TLK2: variants seen among roughly 807,000 people sequenced by gnomAD.
TLK2 encodes tousled like kinase 2, also known as serine/threonine-protein kinase tousled-like 2.
In TLK2, 6 loss-of-function variants were observed where a neutral mutation model predicts 117.3. The ratio of observed to expected loss-of-function variants is 0.05; its 90% CI spans 0.03 to 0.10. The LOEUF is 0.10. Ranked by LOEUF, TLK2 falls within the 10% of genes least tolerant of loss-of-function variation. The probability of loss-of-function intolerance (pLI) is 1.00; values close to 1 mark genes in which losing one functional copy is unlikely to be tolerated. For synonymous variants in TLK2, 257 were observed against 316.7 expected (o/e 0.81, Z 2.00); for missense variants, 299 against 901.2 (o/e 0.33, Z 8.56).
At chr17:62,604,822 G>A (rs1238712061) in intron 19 of TLK2, among the ~76,000 whole-genome samples, 5 of 150,772 alleles carry the variant, frequency 3.3e-5, no homozygotes, top group African/African-American at 1.2e-4. Flanking sequence ...GTGAGCTGAG[G>A]TCACACTACT....
In TLK2 at chr17:62,481,363, A is replaced by G. The variant is rs542170400; in HGVS notation, c.81+157A>G. On this transcript the variant is annotated intron_variant, in intron 2 of 21. Transcript: ENST00000346027. ...ACTTTTAGATCCTACTGGTCATTCC[A>G]GTAGTCATTTAACATAGTAGGTTTG... Among the ~76,000 whole-genome samples the G allele has an allele frequency of 1.2e-3, 176 of 152,350 alleles. 1 individual carries two copies. Among genetic ancestry groups the G allele is most frequent in the Non-Finnish European group, 2.9e-4 (20 of 68,034 alleles).
At position 62,505,407 on chromosome 17, in the gene TLK2, ATTTTTTT is replaced by A. The variant is rs544900638; in HGVS notation, c.82-15346_82-15340del. Reference sequence around the variant, plus strand: ...TACAGTCATGCACTACCATACCCAGATTTTTTTTTTTTTTTTTTTTTTTTTTGGTAGA... The same window carrying A: ...TACAGTCATGCACTACCATACCCAGATTTTTTTTTTTTTTTTTTTGGTAGA... On this transcript the variant is annotated intron_variant, in intron 2 of 21. Coordinates refer to ENST00000346027, the MANE Select transcript of TLK2 (RefSeq NM_006852.6). Among the ~76,000 whole-genome samples, 66 of 53,770 alleles carry A rather than the reference ATTTTTTT, an allele frequency of 1.2e-3. 1 individual carries two copies. In the South Asian group the frequency reaches 0.03, roughly 24 times the overall value. 35.3% of individuals were successfully genotyped at this position (53,770 alleles called of 152,430 possible).
intron 16 of TLK2, among the ~76,000 whole-genome samples, chr17:62,590,369 G>A (rs966849344): frequency 2.6e-5 from 4 of 152,090 alleles, no homozygotes; most frequent in Admixed American, 2.6e-4. Context: ...AACCCAGGAG[G>A]CAGAGGTTGT....
intron 7 of TLK2, among the ~76,000 whole-genome samples, chr17:62,543,286 G>C (rs1458042500): frequency 3.3e-5 from 5 of 152,034 alleles, no homozygotes; most frequent in Non-Finnish European, 5.9e-5. Flanking sequence ...TCCACTTCTT[G>C]GCTATTATGA....
At chr17:62,559,881 T>A in intron 9 of TLK2, 135 bp from the exon 10 acceptor site, 1 of 526,694 alleles carries the variant, frequency 1.9e-6, no homozygotes, top group South Asian at 2.9e-5. Flanking sequence ...ACATAGTTAC[T>A]TCTTACCTGT....
intron 2 of TLK2, among the ~76,000 whole-genome samples, chr17:62,497,385 G>A (rs2073804185): frequency 6.6e-6 from 1 of 152,180 alleles, no homozygotes; most frequent in Non-Finnish European, 1.5e-5. Flanking sequence ...TTCTCTTACA[G>A]AAAGTATTTG....
intron 2 of TLK2, among the ~76,000 whole-genome samples, chr17:62,489,768 T>G (rs2144655687): frequency 6.6e-6 from 1 of 152,342 alleles, no homozygotes; most frequent in Non-Finnish European, 1.5e-5. Flanking sequence ...TTTGTTACAA[T>G]TGATGATACG....
intron 2 of TLK2, among the ~76,000 whole-genome samples, chr17:62,493,870 G>C (rs1002707402): frequency 6.6e-6 from 1 of 151,950 alleles, no homozygotes; most frequent in Non-Finnish European, 1.5e-5. Context: ...TGATTCTTCT[G>C]CTTCAGCCTT....
chr17:62,599,200 G>A (rs1462296767), intron 17 of TLK2, among the ~76,000 whole-genome samples: 1 of 152,202 alleles, frequency 6.6e-6, no homozygotes, highest in Non-Finnish European at 1.5e-5. Context: ...ACCCATCTCT[G>A]CCTCCCAAAT....
In TLK2 at chr17:62,566,250, TG is replaced by T. The variant is rs567444560; in HGVS notation, c.968+1114del. On this transcript the variant is annotated intron_variant, in intron 11 of 21. Transcript: ENST00000346027. The stretch of plus-strand genomic sequence containing the variant: ...GTCTATAGACTGCCTTTCTTTCCTG[TG>T]TTTTTTTGCTGAAATAGCTTGTTGA... 2.4e-4 allele frequency among the ~76,000 whole-genome samples: 36 copies of T among 152,266 alleles called. No homozygotes were observed. The East Asian group carries it at 5.2e-3, about 22-fold the overall frequency.
chr17:62,508,579 T>C, intron 2 of TLK2: 1 of 981,636 alleles, frequency 1.0e-6, no homozygotes. Context: ...AAAAAGAAAA[T>C]ACTGGAAGTG....
At chr17:62,534,532 G>T (rs1160014815) in intron 6 of TLK2, among the ~76,000 whole-genome samples, 1 of 152,138 alleles carries the variant, frequency 6.6e-6, no homozygotes, top group Admixed American at 6.5e-5. Flanking sequence ...ATTAAAATCA[G>T]TTGGGGAAGC....
intron 1 of TLK2, among the ~76,000 whole-genome samples, chr17:62,480,587 G>A (rs1343609045): frequency 6.6e-6 from 1 of 152,156 alleles, no homozygotes; most frequent in Non-Finnish European, 1.5e-5. Flanking sequence ...TTTCTCATGA[G>A]CTACTGTGAG....
At chr17:62,516,356 C>G in intron 2 of TLK2, 1 of 1,527,854 alleles carries the variant, frequency 6.5e-7, no homozygotes, top group African/African-American at 1.4e-5. Context: ...CAACCAAATC[C>G]GCCTCTAAAC....
At chr17:62,490,586 G>C (rs1458378976) in intron 2 of TLK2, among the ~76,000 whole-genome samples, 1 of 152,094 alleles carries the variant, frequency 6.6e-6, no homozygotes, top group African/African-American at 2.4e-5. Context: ...TCTGTTGCCA[G>C]GCTGGAGTGC....
intron 7 of TLK2, among the ~76,000 whole-genome samples, chr17:62,547,308 G>T (rs1274894789): frequency 2.0e-5 from 3 of 150,782 alleles, no homozygotes; most frequent in Non-Finnish European, 4.4e-5. Context: ...GTGGAATGAG[G>T]GATTAGAGTG....
intron 2 of TLK2, among the ~76,000 whole-genome samples, chr17:62,481,917 T>C (rs985588258): frequency 3.3e-5 from 5 of 152,166 alleles, no homozygotes; most frequent in Non-Finnish European, 7.3e-5. Flanking sequence ...TCATATTACT[T>C]GGGCTTGAGA....
At chr17:62,528,241 T>C (rs990790586) in intron 6 of TLK2, among the ~76,000 whole-genome samples, 2 of 152,180 alleles carry the variant, frequency 1.3e-5, no homozygotes, top group Admixed American at 6.5e-5. Context: ...CAGGGAAGAA[T>C]AGATGGATAA....
chr17:62,576,860 T>C (rs527475336), intron 13 of TLK2, 85 bp downstream of exon 13: 9 of 1,029,820 alleles, frequency 8.7e-6, no homozygotes, highest in Non-Finnish European at 1.4e-5. Flanking sequence ...TTTGGGTGAA[T>C]GTAATAGTAG....
Sources: gnomAD v4.1 joint callset for allele counts (sites outside exome capture counted in the v4.1 genomes callset) on GRCh38, gnomAD v4.1.1 for gene constraint, MANE v1.5 for transcripts, NCBI Gene and HGNC (gene_info 2026-07-23, HGNC 2026-07-21) for gene names.